The following ADAMTSL1 variants were observed in gnomAD, a reference collection of about 807,000 sequenced individuals.
ADAMTSL1 encodes ADAMTS like 1.
ADAMTSL1 carries 126 observed loss-of-function variants against 201.8 expected under a neutral mutation model. That is an observed-to-expected ratio of 0.62 (90% CI 0.54 to 0.72). The LOEUF is 0.72. ADAMTSL1 is among the 30% of genes least tolerant of loss of function. The pLI is 0.00. For missense variants in ADAMTSL1, 2,679 were observed against 2,277.8 expected (o/e 1.18, Z -3.59); for synonymous variants, 1,121 against 903.4 (o/e 1.24, Z -4.32).
At chr9:18,401,423 T>C (rs948076384) in intron 2 of ADAMTSL1, among the ~76,000 whole-genome samples, 6 of 152,230 alleles carry the variant, frequency 3.9e-5, no homozygotes, top group African/African-American at 1.4e-4. Flanking sequence ...TCTCACTGTT[T>C]ACTTCTTTTC....
chr9:18,186,404 T>G (rs948212612), intron 2 of ADAMTSL1, among the ~76,000 whole-genome samples: 1 of 152,178 alleles, frequency 6.6e-6, no homozygotes, highest in African/African-American at 2.4e-5. Flanking sequence ...TAGGATGATA[T>G]CATGTGAGTA....
intron 21 of ADAMTSL1, among the ~76,000 whole-genome samples, chr9:18,817,995 G>A (rs1421470296): frequency 6.6e-6 from 1 of 152,218 alleles, no homozygotes; most frequent in East Asian, 1.9e-4. Context: ...GCACAGTGAA[G>A]CAAGGAGTAG....
At chr9:18,189,410 G>C (rs1162222059) in intron 2 of ADAMTSL1, among the ~76,000 whole-genome samples, 1 of 152,082 alleles carries the variant, frequency 6.6e-6, no homozygotes. Flanking sequence ...TCTATAGAAG[G>C]CTATGTGGTG....
chr9:18,142,493 C>A (rs1285120107), intron 1 of ADAMTSL1, among the ~76,000 whole-genome samples: 1 of 152,190 alleles, frequency 6.6e-6, no homozygotes, highest in East Asian at 1.9e-4. Flanking sequence ...GGAGGGCACC[C>A]CCTCACCTAA....
intron 4 of ADAMTSL1, among the ~76,000 whole-genome samples, chr9:18,594,437 C>A (rs1824127910): frequency 6.6e-6 from 1 of 152,104 alleles, no homozygotes; most frequent in African/African-American, 2.4e-5. Context: ...TTTCTCAGTT[C>A]CCTCTTTAAC....
rs564316992 is a variant in ADAMTSL1, at chr9:18,506,515, G to A, written c.191+1559G>A. 7.9e-5 allele frequency among the ~76,000 whole-genome samples: 12 copies of A among 152,240 alleles called. No individual in the cohort carries two copies. In the South Asian group the frequency reaches 2.5e-3, roughly 32 times the overall value. On this transcript the variant is annotated intron_variant, in intron 2 of 28. Coordinates refer to ENST00000380548, the MANE Select transcript of ADAMTSL1 (RefSeq NM_001040272.6). ...GATCTTTTACTGAGTGAGAGACTGA[G>A]AAGCAATTTAGGGAATACATTAAAA...
intron 2 of ADAMTSL1, among the ~76,000 whole-genome samples, chr9:18,330,458 A>C (rs1161567285): frequency 6.6e-6 from 1 of 152,096 alleles, no homozygotes; most frequent in Admixed American, 6.6e-5. Flanking sequence ...TCATCAAAAA[A>C]AAAAAACTAA....
chr9:18,904,838 G>A lies in ADAMTSL1; in HGVS notation c.4852-944G>A, dbSNP rs554174248. The stretch of plus-strand genomic sequence containing the variant: ...CCAGAAGAGCAATAATTCGCCTTGG[G>A]CACAGCTGTCTGACCCAAGAGAGCT... On this transcript the variant is annotated intron_variant, in intron 26 of 28. Transcript: ENST00000380548. 1.9e-4 allele frequency among the ~76,000 whole-genome samples: 28 copies of A among 150,720 alleles called. No individual in the cohort carries two copies. The South Asian group carries it at 5.1e-3, about 27-fold the overall frequency.
intron 23 of ADAMTSL1, among the ~76,000 whole-genome samples, chr9:18,883,579 C>T (rs1594808): frequency 0.087 from 13,275 of 152,266 alleles, 725 homozygotes; most frequent in East Asian, 0.22. Context: ...CTCCTCCCTC[C>T]CTTCTCCCAG....
intron 2 of ADAMTSL1, among the ~76,000 whole-genome samples, chr9:18,237,353 G>A (rs1245573052): frequency 6.6e-6 from 1 of 152,138 alleles, no homozygotes; most frequent in Non-Finnish European, 1.5e-5. Flanking sequence ...TGTACAGAAT[G>A]AATCAATTCA....
rs76042646 is a variant in ADAMTSL1, at chr9:18,284,544, G to A, written c.207+120563G>A. 2.6e-5 allele frequency among the ~76,000 whole-genome samples: 4 copies of A among 152,148 alleles called. 1 individual carries two copies. The highest frequency in any genetic ancestry group is 5.9e-5 in the Non-Finnish European group (4 of 68,030). On this transcript the variant is annotated intron_variant, in intron 2 of 29. Coordinates refer to the ADAMTSL1 transcript ENST00000680146. ...TTTCTTATGATAAATGAGGAAACAG[G>A]TGTAAATAACAGAGTTAGAAAGTAG... is the stretch of plus-strand genomic sequence containing the variant.
At chr9:18,774,290 A>G (rs946405282) in intron 17 of ADAMTSL1, among the ~76,000 whole-genome samples, 3 of 152,012 alleles carry the variant, frequency 2.0e-5, no homozygotes, top group African/African-American at 7.3e-5. Flanking sequence ...TTATGGACCA[A>G]TTACAAACCT....
intron 2 of ADAMTSL1, among the ~76,000 whole-genome samples, chr9:18,173,846 G>A (rs941461521): frequency 3.9e-5 from 6 of 152,086 alleles, no homozygotes; most frequent in African/African-American, 9.7e-5. Context: ...AGGCCCTTCC[G>A]AAAGAGAACT....
intron 23 of ADAMTSL1, among the ~76,000 whole-genome samples, chr9:18,832,279 C>T (rs1372563109): frequency 3.3e-5 from 5 of 152,160 alleles, no homozygotes; most frequent in Non-Finnish European, 7.3e-5. Flanking sequence ...CCATCCCTGA[C>T]TCCTATAGGT....
intron 23 of ADAMTSL1, among the ~76,000 whole-genome samples, chr9:18,849,293 T>C (rs910625945): frequency 6.6e-6 from 1 of 152,198 alleles, no homozygotes; most frequent in African/African-American, 2.4e-5. Flanking sequence ...CCGTCCCACA[T>C]ACCTCCACCC....
intron 2 of ADAMTSL1, among the ~76,000 whole-genome samples, chr9:18,399,318 T>TACATATAC (rs546368782): frequency 5.0e-5 from 5 of 100,796 alleles, no homozygotes; most frequent in Non-Finnish European, 8.1e-5. Flanking sequence ...TATATATATA[T>TACATATAC]ATATATATAT....
intron 19 of ADAMTSL1, among the ~76,000 whole-genome samples, chr9:18,791,847 A>C (rs780106319): frequency 1.3e-5 from 2 of 152,126 alleles, no homozygotes; most frequent in Non-Finnish European, 2.9e-5. Context: ...TTCTAGTTCA[A>C]ATCCTTACCA....
intron 20 of ADAMTSL1, among the ~76,000 whole-genome samples, chr9:18,816,515 G>A (rs553371297): frequency 3.5e-4 from 54 of 152,216 alleles, no homozygotes; most frequent in Admixed American, 6.5e-5. Flanking sequence ...GGGACTACAG[G>A]CATGAGCCAC....
chr9:18,887,486 A>G (rs1588311463), intron 23 of ADAMTSL1, among the ~76,000 whole-genome samples: 1 of 152,220 alleles, frequency 6.6e-6, no homozygotes, highest in African/African-American at 2.4e-5. Flanking sequence ...AATTTCTGTC[A>G]GAAAAAAATC....
Sources: allele counts gnomAD v4.1 joint callset (sites outside exome capture counted in the v4.1 genomes callset), GRCh38; gene constraint gnomAD v4.1.1; transcripts MANE v1.5; gene names NCBI Gene and HGNC (gene_info 2026-07-23, HGNC 2026-07-21).